USP8: variants seen among roughly 807,000 people sequenced by gnomAD.
USP8 encodes ubiquitin carboxyl-terminal hydrolase 8.
Under a neutral mutation model 130.0 loss-of-function variants are expected in USP8, and 27 were observed. The observed-to-expected ratio is 0.21, with a 90% CI of 0.15 to 0.29. The LOEUF is 0.29. Ranked by LOEUF, USP8 falls within the 10% of genes least tolerant of loss-of-function variation. The pLI is 1.00. For missense variants in USP8, 1,029 were observed against 1,312.2 expected (o/e 0.78, Z 3.33); for synonymous variants, 392 against 444.1 (o/e 0.88, Z 1.48).
At position 50,471,739 on chromosome 15, in the gene USP8, G is replaced by C. The variant is rs1566868574; in HGVS notation, c.793G>C (p.Ala265Pro). ...YVVLLDWFSS[A>P]KDLQIGTTLR... ...GGTACTTCTTGACTGGTTTAGTTCT[G>C]CCAAAGATTTACAGATTGGAACAAC... The change falls in exon 8 of 20, where the codon GCC becomes CCC. Residue 265 changes from alanine to proline, a missense_variant. Physicochemically the swap from Ala to Pro is conservative, Grantham distance 27. Coordinates refer to ENST00000307179, the MANE Select transcript of USP8 (RefSeq NM_005154.5). The C allele has an allele frequency of 6.2e-7, 1 of 1,614,018 alleles. No individual in the cohort carries two copies. Among genetic ancestry groups the C allele is most frequent in the Non-Finnish European group, 8.5e-7 (1 of 1,179,978 alleles).
Position 50,481,542 on chromosome 15 carries a change from G to A in USP8, c.1280G>A (p.Ser427Asn), listed in dbSNP as rs773537203. Residue 427 changes from serine to asparagine, a missense_variant, in exon 11 of 20, where the codon AGT becomes AAT. Ser to Asn is a conservative substitution (Grantham distance 46). Coordinates refer to ENST00000307179, the MANE Select transcript of USP8 (RefSeq NM_005154.5). The stretch of plus-strand genomic sequence containing the variant: ...GAAGAGCATAGAATAAAATCTGAAA[G>A]TACAAACCATGAGCAACAATCTCCT... ...LPEEHRIKSE[S>N]TNHEQQSPQS... 2.5e-6 allele frequency: 4 copies of A among 1,611,796 alleles called. No homozygotes were observed. Among genetic ancestry groups the A allele is most frequent in the Non-Finnish European group, 3.4e-6 (4 of 1,179,526 alleles).
At chr15:50,491,470 TTAAG>T (rs1297958211) in intron 14 of USP8, among the ~76,000 whole-genome samples, 1 of 152,226 alleles carries the variant, frequency 6.6e-6, no homozygotes, top group African/African-American at 2.4e-5. Flanking sequence ...TGAATCATTC[TTAAG>T]TGTGTTAATT....
chr15:50,437,344 C>T (rs1194609410), intron 1 of USP8, among the ~76,000 whole-genome samples: 3 of 152,126 alleles, frequency 2.0e-5, no homozygotes, highest in African/African-American at 7.2e-5. Flanking sequence ...TTAACATTTT[C>T]TGCTTTCTTT....
At chr15:50,475,505 C>G (rs2051535527) in intron 8 of USP8, among the ~76,000 whole-genome samples, 1 of 152,012 alleles carries the variant, frequency 6.6e-6, no homozygotes, top group African/African-American at 2.4e-5. Context: ...ATTAAACCAG[C>G]AATTCTACTC....
At chr15:50,464,718 G>A (rs11070781) in intron 6 of USP8, among the ~76,000 whole-genome samples, 20,877 of 152,158 alleles carry the variant, frequency 0.14, 1,949 homozygotes, top group Middle Eastern at 0.28. Flanking sequence ...TTAGCCAGGC[G>A]TGGTAACAGC....
At position 50,499,171 on chromosome 15, in the gene USP8, A is replaced by C; in HGVS notation, c.*83A>C. 7.3e-7 allele frequency: 1 copy of C among 1,370,716 alleles called. No homozygotes were observed. The highest frequency in any genetic ancestry group is 9.8e-7 in the Non-Finnish European group (1 of 1,024,934). The allele number at this position is 1,370,716 out of a possible 1,614,324, so 84.9% of individuals were successfully genotyped here. On this transcript the variant is annotated 3_prime_UTR_variant, in exon 20 of 20. Transcript: ENST00000307179. Reference sequence around the variant, plus strand: ...AATGCTTATCAGGATAATGGTAGCTATAGCTGGCCATTTAGAGGAATTCTA... The same window carrying C: ...AATGCTTATCAGGATAATGGTAGCTCTAGCTGGCCATTTAGAGGAATTCTA...
intron 3 of USP8, 82 bp downstream of exon 3, chr15:50,441,575 A>G: frequency 1.5e-5 from 19 of 1,239,690 alleles, no homozygotes; most frequent in Middle Eastern, 2.7e-4. Context: ...ATTTTAAGTA[A>G]TAATGAAATG....
At chr15:50,426,510 A>T (rs1408679932) in intron 1 of USP8, among the ~76,000 whole-genome samples, 1 of 152,190 alleles carries the variant, frequency 6.6e-6, no homozygotes, top group Non-Finnish European at 1.5e-5. Context: ...GTATTCAGAT[A>T]AGCAGCTGAG....
intron 5 of USP8, among the ~76,000 whole-genome samples, chr15:50,461,454 T>TG (rs1196017953): frequency 2.5e-5 from 1 of 39,800 alleles, no homozygotes; most frequent in African/African-American, 8.7e-5. Flanking sequence ...AGACCCTATC[T>TG]CCAAAAAAAA....
Position 50,439,013 on chromosome 15 carries a change from G to T in USP8, c.-61G>T. 1 of 1,179,270 alleles carries T rather than the reference G, an allele frequency of 8.5e-7. No individual in the cohort carries two copies. The highest frequency in any genetic ancestry group is 1.3e-5 in the South Asian group (1 of 75,486). 73.1% of individuals were successfully genotyped at this position (1,179,270 alleles called of 1,614,324 possible). On this transcript the variant is annotated 5_prime_UTR_variant, in exon 2 of 20. Transcript: ENST00000307179. ...AATTATTTGTATTTGTTTCAGGAAA[G>T]AAGCACTTGTAAGGAAATATAGCAT...
At chr15:50,490,890 G>C (rs2052135454) in intron 14 of USP8, among the ~76,000 whole-genome samples, 1 of 152,110 alleles carries the variant, frequency 6.6e-6, no homozygotes, top group South Asian at 2.1e-4. Context: ...CCTTGTTGCA[G>C]CACTCAAGTT....
chr15:50,507,714 A>G lies in USP8; in HGVS notation c.*8626A>G, dbSNP rs1023913374. The G allele has an allele frequency of 6.6e-6, 1 of 152,158 alleles. No homozygotes were observed. Among genetic ancestry groups the G allele is most frequent in the African/African-American group, 2.4e-5 (1 of 41,432 alleles). The allele number at this position is 152,158 out of a possible 1,614,324, so 9.4% of individuals were successfully genotyped here. ...ATATTAGTATAGATACAGCTTTTAC[A>G]ATATATACTTAGATGAGTATCTGAC... On this transcript the variant is annotated 3_prime_UTR_variant, in exon 20 of 20. Coordinates refer to ENST00000307179, the MANE Select transcript of USP8 (RefSeq NM_005154.5).
In USP8 at chr15:50,498,909, T is replaced by C. The variant is rs768734813; in HGVS notation, c.3178T>C (p.Tyr1060His). The change falls in exon 20 of 20, where the codon TAC (tyrosine) becomes CAC (histidine). Residue 1060 changes from tyrosine to histidine, a missense_variant. By Grantham distance (83) the Tyr-to-His change is moderately conservative (BLOSUM62 2). This residue lies in a region of USP8 where 257 missense variants were observed against 429.8 expected (regional missense o/e 0.60). Transcript: ENST00000307179. Reference protein sequence around the residue: ...KYNLFSVSNHYGGLDGGHYTA... With the variant: ...KYNLFSVSNHHGGLDGGHYTA... ...TCTATCTTGTTTGGCACAGAATCAC[T>C]ACGGTGGGCTGGATGGAGGCCACTA... The C allele has an allele frequency of 5.0e-6, 8 of 1,604,868 alleles. No individual in the cohort carries two copies. The highest frequency in any genetic ancestry group is 5.1e-6 in the Non-Finnish European group (6 of 1,176,110).
chr15:50,488,816 A>C (rs1394468782), intron 12 of USP8, among the ~76,000 whole-genome samples: 1 of 151,102 alleles, frequency 6.6e-6, no homozygotes, highest in Non-Finnish European at 1.5e-5. Flanking sequence ...CAGGTGATCC[A>C]CCTGCCTCGG....
Position 50,500,961 on chromosome 15 carries a change from A to G in USP8, c.*1873A>G. 1 of 836,700 alleles carries G rather than the reference A, an allele frequency of 1.2e-6. No homozygotes were observed. The highest frequency in any genetic ancestry group is 1.9e-6 in the Non-Finnish European group (1 of 523,618). 51.8% of individuals were successfully genotyped at this position (836,700 alleles called of 1,614,324 possible). On this transcript the variant is annotated 3_prime_UTR_variant, in exon 20 of 20. Coordinates refer to ENST00000307179, the MANE Select transcript of USP8 (RefSeq NM_005154.5). ...TATTCTAAATTAAAAGGAAGTGATA[A>G]TTTTGTTGTTAAATCATGCATATAG...
rs1296512424 is a variant in USP8 at position 50,508,364 on chromosome 15, A to G, written c.*9276A>G. Reference sequence around the variant, plus strand: ...CAGTATTAAGATGAATTGATCATTTATTTTATATTCAAATATCTTGCTTCA... The same window carrying G: ...CAGTATTAAGATGAATTGATCATTTGTTTTATATTCAAATATCTTGCTTCA... On this transcript the variant is annotated 3_prime_UTR_variant, in exon 20 of 20. Transcript: ENST00000307179. 1 of 152,212 alleles carries G rather than the reference A, an allele frequency of 6.6e-6. No homozygotes were observed. The highest frequency in any genetic ancestry group is 2.4e-5 in the African/African-American group (1 of 41,460). 9.4% of individuals were successfully genotyped at this position (152,212 alleles called of 1,614,324 possible).
intron 1 of USP8, among the ~76,000 whole-genome samples, chr15:50,429,715 C>T (rs2049869265): frequency 6.6e-6 from 1 of 152,096 alleles, no homozygotes; most frequent in Non-Finnish European, 1.5e-5. Flanking sequence ...GTGTATGTCT[C>T]ATCCATAGAG....
At chr15:50,462,128 T>C in intron 5 of USP8, 152 bp from the exon 6 acceptor site, 2 of 552,886 alleles carry the variant, frequency 3.6e-6, no homozygotes, top group Non-Finnish European at 6.3e-6. Context: ...AACCTTTTAA[T>C]ATCATTATTA....
intron 2 of USP8, among the ~76,000 whole-genome samples, chr15:50,439,709 G>T (rs746122622): frequency 9.9e-5 from 15 of 151,642 alleles, no homozygotes; most frequent in South Asian, 2.1e-4. Flanking sequence ...AGAATTGCTT[G>T]AACCCGGGAG....
Sources: allele counts gnomAD v4.1 joint callset (sites outside exome capture counted in the v4.1 genomes callset), GRCh38; gene constraint gnomAD v4.1.1; regional missense constraint gnomAD v4.1.1; transcripts MANE v1.5; gene names NCBI Gene and HGNC (gene_info 2026-07-23, HGNC 2026-07-21).